Variants in ROBO1 observed in about 807,000 individuals in gnomAD.
ROBO1 encodes roundabout homolog 1.
A neutral mutation model predicts 195.9 loss-of-function variants in ROBO1; 149 were observed. The observed-to-expected ratio is 0.76, with a 90% confidence interval of 0.67 to 0.87. ROBO1 has a LOEUF of 0.87. Ranked by LOEUF, ROBO1 falls within the 40% of genes least tolerant of loss-of-function variation. ROBO1 has a pLI of 0.00. For synonymous variants in ROBO1, 816 were observed against 733.2 expected, an observed-to-expected ratio of 1.11 and a Z score of -1.82; for missense variants, 1,933 against 2,068.3, an observed-to-expected ratio of 0.93 and a Z score of 1.27.
At chr3:79,650,674 A>G (rs1405691779) in intron 1 of ROBO1, among the ~76,000 whole-genome samples, 1 of 151,882 alleles carries the variant, frequency 6.6e-6, no homozygotes, top group Non-Finnish European at 1.5e-5. Flanking sequence ...ATAGAATACC[A>G]TAAATAATGA....
intron 1 of ROBO1, among the ~76,000 whole-genome samples, chr3:79,674,782 T>C (rs7641829): frequency 0.28 from 42,273 of 151,512 alleles, 6,736 homozygotes; most frequent in African/African-American, 0.45. Flanking sequence ...AAAAATACAC[T>C]TTTACCTAAC....
chr3:79,358,379 T>C (rs924650399), intron 2 of ROBO1, among the ~76,000 whole-genome samples: 1 of 152,090 alleles, frequency 6.6e-6, no homozygotes, highest in African/African-American at 2.4e-5. Flanking sequence ...GGAAAGATTT[T>C]ATTTGATTCA....
At chr3:79,749,997 A>T (rs2107470374) in intron 1 of ROBO1, among the ~76,000 whole-genome samples, 1 of 152,336 alleles carries the variant, frequency 6.6e-6, no homozygotes, top group African/African-American at 2.4e-5. Flanking sequence ...GTTCACCTGG[A>T]AAAGCCACAG....
At chr3:79,072,724 G>T (rs563903872) in intron 3 of ROBO1, among the ~76,000 whole-genome samples, 1 of 152,040 alleles carries the variant, frequency 6.6e-6, no homozygotes, top group Admixed American at 6.6e-5. Flanking sequence ...AGTTTATTGA[G>T]TATGTAAGAA....
intron 4 of ROBO1, among the ~76,000 whole-genome samples, chr3:78,758,024 T>A (rs1387338264): frequency 6.6e-6 from 1 of 152,184 alleles, no homozygotes; most frequent in African/African-American, 2.4e-5. Context: ...TGTGTTTTCC[T>A]AACAAACTAC....
At chr3:78,855,173 A>T (rs1167108006) in intron 4 of ROBO1, among the ~76,000 whole-genome samples, 2 of 152,138 alleles carry the variant, frequency 1.3e-5, no homozygotes, top group Admixed American at 6.5e-5. Context: ...AAACACTTGA[A>T]TGGTACCTTG....
chr3:79,048,819 G>A (rs759957257), intron 3 of ROBO1, among the ~76,000 whole-genome samples: 3 of 152,056 alleles, frequency 2.0e-5, no homozygotes, highest in Non-Finnish European at 4.4e-5. Context: ...ACTGTTAGAA[G>A]GAAAACTAAC....
chr3:79,477,551 C>CA (rs1938609329), intron 2 of ROBO1, among the ~76,000 whole-genome samples: 1 of 151,594 alleles, frequency 6.6e-6, no homozygotes, highest in Non-Finnish European at 1.5e-5. Context: ...AGAAACTAAA[C>CA]AAAAAACAAA....
chr3:78,948,599 G>A (rs1040439287), intron 3 of ROBO1, among the ~76,000 whole-genome samples: 7 of 152,028 alleles, frequency 4.6e-5, no homozygotes, highest in South Asian at 2.1e-4. Context: ...CTTTGAAAAC[G>A]GGCACAAGAC....
intron 4 of ROBO1, among the ~76,000 whole-genome samples, chr3:78,846,662 C>A (rs1225415061): frequency 6.6e-6 from 1 of 152,018 alleles, no homozygotes; most frequent in Non-Finnish European, 1.5e-5. Context: ...TCTGGTGTTT[C>A]TTTTCTTTTT....
chr3:79,752,175 T>G (rs895621955), intron 1 of ROBO1, among the ~76,000 whole-genome samples: 1 of 152,156 alleles, frequency 6.6e-6, no homozygotes, highest in Non-Finnish European at 1.5e-5. Flanking sequence ...AAATAGTGGA[T>G]TTGTGTATTT....
chr3:79,330,689 A>C (rs2109170422), intron 2 of ROBO1, among the ~76,000 whole-genome samples: 1 of 151,654 alleles, frequency 6.6e-6, no homozygotes, highest in South Asian at 2.1e-4. Flanking sequence ...AAAAAAAAAA[A>C]AAAAAGCTTG....
At chr3:78,617,542 C>A (rs969306544) in intron 27 of ROBO1, 93 bp downstream of exon 27, 2 of 1,240,916 alleles carry the variant, frequency 1.6e-6, no homozygotes. Flanking sequence ...AGATGCTTTT[C>A]AAATAGGACG....
intron 4 of ROBO1, among the ~76,000 whole-genome samples, chr3:78,805,822 A>G (rs1271717272): frequency 6.6e-6 from 1 of 152,180 alleles, no homozygotes; most frequent in Non-Finnish European, 1.5e-5. Flanking sequence ...AGTTCATAAT[A>G]CATAGTATAG....
At chr3:78,891,231 A>C (rs1437094316) in intron 4 of ROBO1, among the ~76,000 whole-genome samples, 1 of 152,194 alleles carries the variant, frequency 6.6e-6, no homozygotes, top group African/African-American at 2.4e-5. Context: ...AAACTCTTAG[A>C]AGGCACTGGA....
chr3:79,730,768 C>CT (rs66527491), intron 1 of ROBO1, among the ~76,000 whole-genome samples: 1,869 of 95,492 alleles, frequency 0.02, 162 homozygotes, highest in African/African-American at 0.03. Context: ...CCTGTATTTC[C>CT]TTTTTTTTTT....
chr3:78,844,607 C>CT (rs2033525063), intron 4 of ROBO1, among the ~76,000 whole-genome samples: 1 of 152,016 alleles, frequency 6.6e-6, no homozygotes, highest in Admixed American at 6.6e-5. Flanking sequence ...ATACCGTGTG[C>CT]TTGGGTAACA....
At chr3:79,329,123 A>G (rs547909606) in intron 2 of ROBO1, among the ~76,000 whole-genome samples, 2 of 152,270 alleles carry the variant, frequency 1.3e-5, no homozygotes, top group South Asian at 2.1e-4. Context: ...TATTAGAAAC[A>G]CTTCCTTATA....
intron 2 of ROBO1, among the ~76,000 whole-genome samples, chr3:79,436,419 C>G (rs1358324287): frequency 2.0e-5 from 3 of 151,980 alleles, no homozygotes; most frequent in Non-Finnish European, 4.4e-5. Flanking sequence ...CCAGGGAACT[C>G]AACTTTCCAT....
Sources: allele counts gnomAD v4.1 joint callset (sites outside exome capture counted in the v4.1 genomes callset), GRCh38; gene constraint gnomAD v4.1.1; transcripts MANE v1.5; gene names NCBI Gene and HGNC (gene_info 2026-07-23, HGNC 2026-07-21).